ZNF215: variants seen among roughly 807,000 people sequenced by gnomAD.
The protein encoded by ZNF215 is zinc finger protein 215.
Under a neutral mutation model 27.2 loss-of-function variants are expected in ZNF215, and 24 were observed. That is an observed-to-expected ratio of 0.88 (90% CI 0.64 to 1.24). ZNF215 has a LOEUF of 1.24. ZNF215 is among the 50% of genes most tolerant of loss of function. The pLI, the probability that ZNF215 is intolerant of heterozygous loss-of-function variation, is 0.00. For synonymous variants in ZNF215, 210 were observed against 204.0 expected (o/e 1.03, Z -0.25); for missense variants, 675 against 605.7 (o/e 1.11, Z -1.20).
At chr11:6,937,138 A>C (rs946233101) in intron 3 of ZNF215, among the ~76,000 whole-genome samples, 14 of 151,980 alleles carry the variant, frequency 9.2e-5, no homozygotes, top group African/African-American at 2.4e-4. Flanking sequence ...AAGTAAAACT[A>C]TCTCTACTGG....
chr11:6,952,331 G>T (rs1004098414), intron 6 of ZNF215, among the ~76,000 whole-genome samples: 3 of 152,140 alleles, frequency 2.0e-5, no homozygotes, highest in Non-Finnish European at 4.4e-5. Flanking sequence ...GTTGACAGTA[G>T]GGTGTTGAAG....
At chr11:6,945,054 A>C (rs1849770720) in intron 6 of ZNF215, among the ~76,000 whole-genome samples, 1 of 152,164 alleles carries the variant, frequency 6.6e-6, no homozygotes, top group African/African-American at 2.4e-5. Context: ...AAATATTTTT[A>C]GTTGTCTTAC....
chr11:6,950,446 A>T (rs1301620947), intron 6 of ZNF215, among the ~76,000 whole-genome samples: 2 of 152,160 alleles, frequency 1.3e-5, no homozygotes, highest in Non-Finnish European at 2.9e-5. Context: ...GAGGTCCTTC[A>T]CGTCCCTTGT....
At chr11:6,949,356 G>T (rs1419652214) in intron 6 of ZNF215, among the ~76,000 whole-genome samples, 6 of 152,176 alleles carry the variant, frequency 3.9e-5, no homozygotes, top group African/African-American at 1.4e-4. Flanking sequence ...CTAGTTTACA[G>T]TCCCACCAAC....
intron 5 of ZNF215, among the ~76,000 whole-genome samples, chr11:6,965,331 T>C (rs999419602): frequency 7.9e-5 from 12 of 152,166 alleles, no homozygotes; most frequent in African/African-American, 2.9e-4. Context: ...TATGCAATGA[T>C]GTAAAACCTG....
rs1849704722 is a variant in ZNF215 at position 6,943,551 on chromosome 11, C to G, written c.622C>G (p.Leu208Val). The change falls in exon 6 of 7, where the codon CTA becomes GTA. Residue 208 changes from leucine (L) to valine (V), a missense_variant. Physicochemically the swap from Leu to Val is conservative, Grantham distance 32. Coordinates refer to ENST00000278319, the MANE Select transcript of ZNF215 (RefSeq NM_013250.4). ...RNLNSLRKAH[L>V]LSKPFESLKL... ...TTTATTTTCTCCATGAACAGCACATCTACTTTCCAAACCATTTGAGAGCCT... is the reference window on the plus strand; with the variant it reads ...TTTATTTTCTCCATGAACAGCACATGTACTTTCCAAACCATTTGAGAGCCT... 2 of 1,613,410 alleles carry G rather than the reference C, an allele frequency of 1.2e-6. No homozygotes were observed. The highest frequency in any genetic ancestry group is 2.7e-5 in the African/African-American group (2 of 74,978).
At position 6,949,251 on chromosome 11, in the gene ZNF215, T is replaced by G. The variant is rs1222270408; in HGVS notation, c.712+5610T>G. ...TATAGCAGCATGATTTATAATCCTT[T>G]GGGTATATTCCCAGTAATGGGATGG... On this transcript the variant is annotated intron_variant, in intron 6 of 6. Transcript: ENST00000278319. Among the ~76,000 whole-genome samples, 5 of 152,308 alleles carry G rather than the reference T, an allele frequency of 3.3e-5. No homozygotes were observed. The South Asian group carries it at 8.3e-4, about 25-fold the overall frequency.
downstream of ZNF215, among the ~76,000 whole-genome samples, chr11:6,960,370 T>C (rs560465126): frequency 7.7e-4 from 117 of 152,234 alleles, 1 homozygote; most frequent in African/African-American, 2.7e-3. Flanking sequence ...ATGCGCAGTC[T>C]GCATAAAGGA....
intron 6 of ZNF215, among the ~76,000 whole-genome samples, chr11:6,950,030 A>G (rs1329605828): frequency 1.3e-5 from 2 of 151,770 alleles, no homozygotes; most frequent in African/African-American, 4.8e-5. Flanking sequence ...TTTGTCAAAG[A>G]TCAGATAGTT....
At chr11:6,946,559 C>T (rs1231304212) in intron 6 of ZNF215, among the ~76,000 whole-genome samples, 1 of 152,150 alleles carries the variant, frequency 6.6e-6, no homozygotes, top group Non-Finnish European at 1.5e-5. Flanking sequence ...TCTCCCATCC[C>T]AGCTTTTGAC....
At chr11:6,959,072 G>A (rs1366446403), downstream of ZNF215, among the ~76,000 whole-genome samples, 1 of 152,126 alleles carries the variant, frequency 6.6e-6, no homozygotes, top group African/African-American at 2.4e-5. Flanking sequence ...ATCCAATCAA[G>A]TTGGCACTCA....
At chr11:6,938,453 C>T (rs1055655210) in intron 3 of ZNF215, among the ~76,000 whole-genome samples, 2 of 151,948 alleles carry the variant, frequency 1.3e-5, no homozygotes, top group African/African-American at 4.8e-5. Context: ...ATAGAATTAC[C>T]ATATACCCCA....
intron 5 of ZNF215, among the ~76,000 whole-genome samples, chr11:6,975,414 A>C (rs1022316500): frequency 1.3e-5 from 2 of 152,006 alleles, no homozygotes; most frequent in African/African-American, 4.8e-5. Flanking sequence ...TTATTTTTAA[A>C]TGTACAATTA....
At chr11:6,941,723 G>T in intron 4 of ZNF215, 70 bp downstream of exon 4, 1 of 1,530,234 alleles carries the variant, frequency 6.5e-7, no homozygotes, top group South Asian at 1.2e-5. Flanking sequence ...TCAATTTTTT[G>T]ATCTTTGAAC....
At chr11:6,955,115 C>T (rs769407551) in intron 6 of ZNF215, among the ~76,000 whole-genome samples, 22 of 152,138 alleles carry the variant, frequency 1.4e-4, no homozygotes, top group Admixed American at 7.9e-4. Flanking sequence ...TTATTTTGAG[C>T]CCAGAAAAAG....
At chr11:6,949,320 C>G (rs1257103917) in intron 6 of ZNF215, among the ~76,000 whole-genome samples, 1 of 152,212 alleles carries the variant, frequency 6.6e-6, no homozygotes, top group Non-Finnish European at 1.5e-5. Flanking sequence ...TGAGGAATCG[C>G]CACACTAACT....
chr11:6,951,313 A>C (rs554428938), intron 6 of ZNF215, among the ~76,000 whole-genome samples: 148 of 152,228 alleles, frequency 9.7e-4, no homozygotes, highest in African/African-American at 3.4e-3. Flanking sequence ...GAATGGTACC[A>C]GTTCCTCCTT....
chr11:6,947,084 T>C (rs1849840043), intron 6 of ZNF215, among the ~76,000 whole-genome samples: 1 of 152,222 alleles, frequency 6.6e-6, no homozygotes, highest in Non-Finnish European at 1.5e-5. Context: ...AAAATTTATG[T>C]AACTCTGTAT....
chr11:6,935,079 G>T (rs1331418127), intron 3 of ZNF215, among the ~76,000 whole-genome samples: 1 of 152,174 alleles, frequency 6.6e-6, no homozygotes, highest in East Asian at 1.9e-4. Context: ...CTACCTGGGG[G>T]TATTTTTCAA....
Sources: allele counts gnomAD v4.1 joint callset (sites outside exome capture counted in the v4.1 genomes callset), GRCh38; gene constraint gnomAD v4.1.1; transcripts MANE v1.5; gene names NCBI Gene and HGNC (gene_info 2026-07-23, HGNC 2026-07-21).